NELL1: variants seen among roughly 807,000 people sequenced by gnomAD.
NELL1 encodes the protein protein kinase C-binding protein NELL1.
In NELL1, 76 loss-of-function variants were observed where a neutral mutation model predicts 107.4. The observed-to-expected ratio is 0.71, with a 90% confidence interval of 0.59 to 0.86. The LOEUF (loss-of-function observed/expected upper bound fraction) is 0.86, where lower values mean the gene tolerates loss of function less well. NELL1 is among the 40% of genes least tolerant of loss of function. The pLI, the probability that NELL1 is intolerant of heterozygous loss-of-function variation, is 0.00. For missense variants in NELL1, 1,024 were observed against 1,005.5 expected, an observed-to-expected ratio of 1.02 and a Z score of -0.25; for synonymous variants, 353 against 341.2, an observed-to-expected ratio of 1.03 and a Z score of -0.38.
chr11:20,854,864 G>T lies in NELL1; in HGVS notation c.506+7111G>T, dbSNP rs147794973. ...GAATGCTGAAGTAAAAGAAGCCTTG[G>T]ATGCTGCTAAGTCACAGAGATTTAA... On this transcript the variant is annotated intron_variant, in intron 4 of 19. Coordinates refer to ENST00000357134, the MANE Select transcript of NELL1 (RefSeq NM_006157.5). Among the ~76,000 whole-genome samples the T allele has an allele frequency of 3.1e-3, 469 of 152,316 alleles. 6 individuals are homozygous for T. The highest frequency in any genetic ancestry group is 0.01 in the African/African-American group (424 of 41,550).
intron 14 of NELL1, among the ~76,000 whole-genome samples, chr11:21,365,865 C>A (rs552435314): frequency 2.0e-5 from 3 of 152,070 alleles, no homozygotes; most frequent in Non-Finnish European, 2.9e-5. Flanking sequence ...AATTTTGCTC[C>A]TGAAGACACT....
intron 2 of NELL1, among the ~76,000 whole-genome samples, chr11:20,756,431 T>G (rs960753348): frequency 4.0e-5 from 6 of 151,126 alleles, no homozygotes; most frequent in African/African-American, 1.5e-4. Flanking sequence ...CTCCGCCTCC[T>G]GGGTTCACGC....
At chr11:21,027,825 T>G (rs2134312249) in intron 12 of NELL1, among the ~76,000 whole-genome samples, 1 of 152,294 alleles carries the variant, frequency 6.6e-6, no homozygotes, top group Non-Finnish European at 1.5e-5. Context: ...AGTTCATTGT[T>G]GAACAAAAAT....
intron 14 of NELL1, among the ~76,000 whole-genome samples, chr11:21,281,369 G>A (rs999935643): frequency 6.6e-6 from 1 of 152,054 alleles, no homozygotes; most frequent in African/African-American, 2.4e-5. Flanking sequence ...TATGATTTGA[G>A]TGCCAGTTCA....
chr11:20,918,254 A>C lies in NELL1; in HGVS notation c.676A>C (p.Thr226Pro). Residue 226 changes from threonine to proline, a missense_variant and splice_region_variant, in exon 6 of 20, where the codon ACT (threonine) becomes CCT (proline). Transcript: ENST00000357134. Reference sequence around the variant, plus strand: ...AACACAGTGTCCAAATCTAAATCACAGTAAGTAGCAACTTAAAGCATTGTG... The same window carrying C: ...AACACAGTGTCCAAATCTAAATCACCGTAAGTAGCAACTTAAAGCATTGTG... The part of the protein sequence containing the change: ...YITQCPNLNH[T>P]CPTCSDFLSL... 1 of 1,524,568 alleles carries C rather than the reference A, an allele frequency of 6.6e-7. No individual in the cohort carries two copies. Among genetic ancestry groups the C allele is most frequent in the Non-Finnish European group, 9.1e-7 (1 of 1,099,754 alleles). The allele number at this position is 1,524,568 out of a possible 1,614,324, so 94.4% of individuals were successfully genotyped here. A position where few individuals can be genotyped will look rare whatever the true frequency, so the allele number is the denominator to read the frequency against.
chr11:21,516,187 A>G (rs1274462734), intron 15 of NELL1, among the ~76,000 whole-genome samples: 1 of 152,176 alleles, frequency 6.6e-6, no homozygotes, highest in Non-Finnish European at 1.5e-5. Context: ...AGGGTGACAT[A>G]TACTCCTAGT....
At chr11:21,096,565 G>T (rs1037870825) in intron 12 of NELL1, among the ~76,000 whole-genome samples, 4 of 152,004 alleles carry the variant, frequency 2.6e-5, no homozygotes, top group African/African-American at 9.6e-5. Flanking sequence ...AAATCTCCTG[G>T]CCACTCCCCC....
At chr11:21,013,746 A>G (rs1852503146) in intron 12 of NELL1, among the ~76,000 whole-genome samples, 1 of 152,100 alleles carries the variant, frequency 6.6e-6, no homozygotes, top group Admixed American at 6.6e-5. Flanking sequence ...ACTGTGTTTA[A>G]CTAAAGTCTA....
intron 9 of NELL1, among the ~76,000 whole-genome samples, chr11:20,936,149 G>A (rs1371399351): frequency 1.3e-5 from 2 of 152,252 alleles, no homozygotes; most frequent in African/African-American, 2.4e-5. Context: ...AGCAAATGCC[G>A]AACTCATTCC....
chr11:21,026,039 T>C (rs1852806677), intron 12 of NELL1, among the ~76,000 whole-genome samples: 1 of 152,204 alleles, frequency 6.6e-6, no homozygotes, highest in South Asian at 2.1e-4. Context: ...ATTTTTATTG[T>C]CATCATCTTG....
At chr11:21,437,917 G>T (rs1955067) in intron 15 of NELL1, among the ~76,000 whole-genome samples, 18,545 of 152,192 alleles carry the variant, frequency 0.12, 1,525 homozygotes, top group South Asian at 0.21. Flanking sequence ...TAGGTGAAAA[G>T]TTACTTCTGT....
chr11:21,529,592 A>G (rs1482276318), intron 15 of NELL1, among the ~76,000 whole-genome samples: 2 of 152,206 alleles, frequency 1.3e-5, no homozygotes, highest in East Asian at 1.9e-4. Context: ...TGAGGCATGT[A>G]TTATAGATTT....
At chr11:20,932,227 T>A (rs978665068) in intron 9 of NELL1, among the ~76,000 whole-genome samples, 4 of 152,260 alleles carry the variant, frequency 2.6e-5, no homozygotes, top group Non-Finnish European at 5.9e-5. Context: ...ACCTACATAA[T>A]CACAATCTCC....
intron 2 of NELL1, among the ~76,000 whole-genome samples, chr11:20,720,075 G>A (rs1855344129): frequency 6.6e-6 from 1 of 152,150 alleles, no homozygotes; most frequent in Non-Finnish European, 1.5e-5. Context: ...CCTGCCCAAA[G>A]CCTTTTTCAG....
intron 2 of NELL1, among the ~76,000 whole-genome samples, chr11:20,686,953 A>C (rs370479505): frequency 6.8e-6 from 1 of 147,934 alleles, no homozygotes; most frequent in South Asian, 2.1e-4. Flanking sequence ...TTTTTAATAG[A>C]GGTTAGAGTA....
At chr11:21,495,196 C>A (rs988405393) in intron 15 of NELL1, among the ~76,000 whole-genome samples, 3 of 152,116 alleles carry the variant, frequency 2.0e-5, no homozygotes, top group African/African-American at 4.8e-5. Context: ...CAACACTAAG[C>A]TACTTTCTGT....
At chr11:21,173,004 T>C (rs1021205166) in intron 13 of NELL1, among the ~76,000 whole-genome samples, 1 of 151,692 alleles carries the variant, frequency 6.6e-6, no homozygotes, top group African/African-American at 2.4e-5. Context: ...TTAGAAACAA[T>C]AGGAATAAAA....
At chr11:21,501,368 TGTGACCCA>T (rs904145416) in intron 15 of NELL1, among the ~76,000 whole-genome samples, 1 of 152,210 alleles carries the variant, frequency 6.6e-6, no homozygotes, top group Non-Finnish European at 1.5e-5. Flanking sequence ...GCGTTTCACA[TGTGACCCA>T]GTGTTTGTCA....
chr11:21,503,161 G>T (rs1280764455), intron 15 of NELL1, among the ~76,000 whole-genome samples: 1 of 152,218 alleles, frequency 6.6e-6, no homozygotes, highest in Non-Finnish European at 1.5e-5. Flanking sequence ...GACTACAAGC[G>T]TGAGCCACTG....
Sources: gnomAD v4.1 joint callset for allele counts (sites outside exome capture counted in the v4.1 genomes callset) on GRCh38, gnomAD v4.1.1 for gene constraint, MANE v1.5 for transcripts, NCBI Gene and HGNC (gene_info 2026-07-23, HGNC 2026-07-21) for gene names.